The following NEK7 variants were observed in gnomAD, a reference collection of about 807,000 sequenced individuals.
NEK7 encodes serine/threonine-protein kinase Nek7.
In NEK7, 18 loss-of-function variants were observed where a neutral mutation model predicts 44.6. That is an observed-to-expected ratio of 0.40 (90% CI 0.28 to 0.60). The LOEUF (loss-of-function observed/expected upper bound fraction) is 0.60, where lower values mean the gene tolerates loss of function less well. NEK7 is among the 20% of genes least tolerant of loss of function. The pLI is 0.38. For missense variants in NEK7, 256 were observed against 366.5 expected, an observed-to-expected ratio of 0.70 and a Z score of 2.46; for synonymous variants, 130 against 121.1, an observed-to-expected ratio of 1.07 and a Z score of -0.48.
chr1:198,284,901 A>C (rs760860848), intron 7 of NEK7, among the ~76,000 whole-genome samples: 4 of 152,152 alleles, frequency 2.6e-5, no homozygotes, highest in Non-Finnish European at 5.9e-5. Flanking sequence ...ATGGCAATGA[A>C]TACGAGTACT....
chr1:198,320,488 C>T lies in NEK7; in HGVS notation c.*966C>T, dbSNP rs560476461. 6.6e-6 allele frequency: 1 copy of T among 152,056 alleles called. No homozygotes were observed. Among genetic ancestry groups the T allele is most frequent in the African/African-American group, 2.4e-5 (1 of 41,506 alleles). 9.4% of individuals were successfully genotyped at this position (152,056 alleles called of 1,614,324 possible). A position where few individuals can be genotyped will look rare whatever the true frequency, so the allele number is the denominator to read the frequency against. ...CCTTCAGAAATTTTTTTATATTATT[C>T]TTCAAGTTACTTTCTTATTTATATT... On this transcript the variant is annotated 3_prime_UTR_variant, in exon 10 of 10. Coordinates refer to ENST00000367385, the MANE Select transcript of NEK7 (RefSeq NM_133494.3).
At chr1:198,227,400 G>C (rs927914859) in intron 1 of NEK7, among the ~76,000 whole-genome samples, 4 of 151,972 alleles carry the variant, frequency 2.6e-5, no homozygotes, top group African/African-American at 9.7e-5. Flanking sequence ...GGGATGGCTG[G>C]GTCAAATGGC....
At chr1:198,233,745 C>CTTT (rs71133919) in intron 2 of NEK7, among the ~76,000 whole-genome samples, 8 of 121,944 alleles carry the variant, frequency 6.6e-5, no homozygotes, top group Admixed American at 1.7e-4. Context: ...CTATGGGATC[C>CTTT]TTTTTTTTTT....
intron 1 of NEK7, among the ~76,000 whole-genome samples, chr1:198,184,580 T>A (rs1380481378): frequency 6.6e-6 from 1 of 152,210 alleles, no homozygotes; most frequent in East Asian, 1.9e-4. Flanking sequence ...TAAGGCATGT[T>A]TACCAACATC....
At chr1:198,168,132 A>C (rs1282472820) in intron 1 of NEK7, among the ~76,000 whole-genome samples, 2 of 152,202 alleles carry the variant, frequency 1.3e-5, no homozygotes, top group Non-Finnish European at 2.9e-5. Context: ...AAGTTTTCAA[A>C]TCGTGGGTCA....
At chr1:198,202,990 C>T (rs1665479679) in intron 1 of NEK7, among the ~76,000 whole-genome samples, 1 of 150,086 alleles carries the variant, frequency 6.7e-6, no homozygotes, top group Non-Finnish European at 1.5e-5. Flanking sequence ...TCTTTTTTTT[C>T]AGGCTAGAAT....
At chr1:198,210,897 C>T (rs868469001) in intron 1 of NEK7, among the ~76,000 whole-genome samples, 265 of 150,626 alleles carry the variant, frequency 1.8e-3, no homozygotes, top group Middle Eastern at 6.9e-3. Context: ...GGACTACAGG[C>T]GCCCGCCACT....
At chr1:198,270,955 T>C (rs954554712) in intron 5 of NEK7, among the ~76,000 whole-genome samples, 2 of 152,034 alleles carry the variant, frequency 1.3e-5, no homozygotes, top group African/African-American at 4.8e-5. Context: ...TTCACTGGTT[T>C]TTGGGGGAAT....
At chr1:198,268,077 T>C (rs564636471) in intron 5 of NEK7, among the ~76,000 whole-genome samples, 8 of 152,084 alleles carry the variant, frequency 5.3e-5, no homozygotes, top group African/African-American at 1.9e-4. Context: ...GAGACTATCA[T>C]TTTTCTTAAC....
intron 9 of NEK7, among the ~76,000 whole-genome samples, chr1:198,314,623 G>A (rs4915142): frequency 2.6e-5 from 4 of 152,072 alleles, no homozygotes; most frequent in Non-Finnish European, 4.4e-5. Flanking sequence ...TGTGGATGTC[G>A]TTTCTGTTTG....
At chr1:198,175,575 A>G (rs1453694270) in intron 1 of NEK7, among the ~76,000 whole-genome samples, 2 of 152,190 alleles carry the variant, frequency 1.3e-5, no homozygotes, top group African/African-American at 4.8e-5. Context: ...TTTGGTTGTC[A>G]TGATTTTTCT....
rs527560721 is a variant in NEK7 at position 198,270,351 on chromosome 1, G to A, written c.372+6116G>A. 2.0e-3 allele frequency among the ~76,000 whole-genome samples: 307 copies of A among 151,930 alleles called. 3 individuals are homozygous for A. The highest frequency in any genetic ancestry group is 6.8e-3 in the Middle Eastern group (2 of 294). On this transcript the variant is annotated intron_variant, in intron 5 of 9. Transcript: ENST00000367385. The stretch of plus-strand genomic sequence containing the variant: ...ATTATATATTTTTAAAAATTGTTTT[G>A]CTAGACTAGCAATAAAACAAAATGT...
chr1:198,241,208 C>T (rs1006487258), intron 2 of NEK7, among the ~76,000 whole-genome samples: 1 of 152,074 alleles, frequency 6.6e-6, no homozygotes, highest in Non-Finnish European at 1.5e-5. Context: ...ATTTTGTCTT[C>T]CTTTATATTG....
At chr1:198,274,698 T>C (rs1301156108) in intron 5 of NEK7, among the ~76,000 whole-genome samples, 1 of 151,768 alleles carries the variant, frequency 6.6e-6, no homozygotes, top group African/African-American at 2.4e-5. Flanking sequence ...CTTGGAGTTG[T>C]AATGTCTAGA....
At chr1:198,249,923 C>T (rs1333195848) in intron 2 of NEK7, among the ~76,000 whole-genome samples, 2 of 147,120 alleles carry the variant, frequency 1.4e-5, no homozygotes, top group African/African-American at 5.1e-5. Flanking sequence ...GTTGCCATTG[C>T]TTTTGGTGTT....
intron 3 of NEK7, chr1:198,256,446 A>G: frequency 3.1e-6 from 5 of 1,608,378 alleles, no homozygotes; most frequent in Non-Finnish European, 4.2e-6. Flanking sequence ...AATCTTTTTG[A>G]AAATTTACCT....
At chr1:198,162,269 C>T (rs1008529583) in intron 1 of NEK7, among the ~76,000 whole-genome samples, 1 of 152,164 alleles carries the variant, frequency 6.6e-6, no homozygotes, top group Non-Finnish European at 1.5e-5. Context: ...GACCCCTTAG[C>T]CCTCGGGGAA....
chr1:198,234,644 G>A (rs1256992857), intron 2 of NEK7, among the ~76,000 whole-genome samples: 1 of 152,216 alleles, frequency 6.6e-6, no homozygotes, highest in African/African-American at 2.4e-5. Context: ...TTGTTTTCCT[G>A]TGAGACACTG....
intron 1 of NEK7, among the ~76,000 whole-genome samples, chr1:198,209,013 G>A (rs1474933193): frequency 6.8e-6 from 1 of 146,290 alleles, no homozygotes; most frequent in African/African-American, 2.6e-5. Context: ...GCTCTCTGAT[G>A]CATTAAAGCA....
Sources: allele counts gnomAD v4.1 joint callset (sites outside exome capture counted in the v4.1 genomes callset), GRCh38; gene constraint gnomAD v4.1.1; transcripts MANE v1.5; gene names NCBI Gene and HGNC (gene_info 2026-07-23, HGNC 2026-07-21).